SLC14A1: variants seen among roughly 807,000 people sequenced by gnomAD.
SLC14A1 encodes urea transporter 1.
SLC14A1 carries 36 observed loss-of-function variants against 39.6 expected under a neutral mutation model. That is an observed-to-expected ratio of 0.91 (90% confidence interval 0.70 to 1.20). The LOEUF is 1.20. SLC14A1 is among the 50% of genes most tolerant of loss of function. SLC14A1 has a pLI of 0.00. For missense variants in SLC14A1, 469 were observed against 478.7 expected, an observed-to-expected ratio of 0.98 and a Z score of 0.19; for synonymous variants, 164 against 173.6, an observed-to-expected ratio of 0.94 and a Z score of 0.43.
At chr18:45,737,040 T>C (rs16978475) in intron 6 of SLC14A1, among the ~76,000 whole-genome samples, 28,882 of 152,162 alleles carry the variant, frequency 0.19, 4,255 homozygotes, top group East Asian at 0.41. Context: ...ATGCTTACTC[T>C]TAGAGCTTCT....
chr18:45,734,198 T>C, intron 4 of SLC14A1, 76 bp from the exon 5 acceptor site: 1 of 1,554,134 alleles, frequency 6.4e-7, no homozygotes, highest in Non-Finnish European at 8.9e-7. Flanking sequence ...GATCTGGAAG[T>C]TACTAGTGTT....
chr18:45,749,937 G>A lies in SLC14A1; in HGVS notation c.1156G>A (p.Glu386Lys), dbSNP rs770532378. The change falls in exon 10 of 10, where the codon GAA becomes AAA. Residue 386 changes from glutamate to lysine, a missense_variant. Transcript: ENST00000321925. ...FYLQAKKRMV[E>K]SPL is the part of the protein sequence containing the mutation. ...CCTGCAAGCCAAGAAAAGAATGGTG[G>A]AAAGCCCTTTGTGAGAACAAGCCCC... 28 of 1,614,056 alleles carry A rather than the reference G, an allele frequency of 1.7e-5. No homozygotes were observed. Among genetic ancestry groups the A allele is most frequent in the Non-Finnish European group, 2.2e-5 (26 of 1,180,030 alleles).
At chr18:45,743,714 A>C (rs1487332716) in intron 8 of SLC14A1, among the ~76,000 whole-genome samples, 2 of 152,170 alleles carry the variant, frequency 1.3e-5, no homozygotes, top group Non-Finnish European at 2.9e-5. Flanking sequence ...CTGGAAAAAC[A>C]GTTTTTCTGG....
rs532409601 is a variant in SLC14A1, at chr18:45,747,911, C to T, written c.947-465C>T. On this transcript the variant is annotated intron_variant, in intron 8 of 9. Coordinates refer to ENST00000321925, the MANE Select transcript of SLC14A1 (RefSeq NM_015865.7). ...ATTTTTTGTAGCTGTGAATTCAATTCATTAATATGAGAATCCTAGATGCTA... is the reference window on the plus strand; with the variant it reads ...ATTTTTTGTAGCTGTGAATTCAATTTATTAATATGAGAATCCTAGATGCTA... 3.9e-5 allele frequency among the ~76,000 whole-genome samples: 6 copies of T among 152,206 alleles called. No homozygotes were observed. The South Asian group carries it at 1.0e-3, about 26-fold the overall frequency.
Position 45,751,318 on chromosome 18 carries a change from C to T in SLC14A1, c.*1367C>T, listed in dbSNP as rs1135980. The T allele has an allele frequency of 0.62, 558,037 of 896,540 alleles. 174,667 individuals are homozygous for T. Among genetic ancestry groups the T allele is most frequent in the East Asian group, 0.93 (7,558 of 8,138 alleles). 55.5% of individuals were successfully genotyped at this position (896,540 alleles called of 1,614,324 possible). A position where few individuals can be genotyped will look rare whatever the true frequency, so the allele number is the denominator to read the frequency against. ...TTGCACCACTGCACTCCAACCTGGG[C>T]GACAAGAGTGAAACTGTGTCTCTCA... On this transcript the variant is annotated 3_prime_UTR_variant, in exon 10 of 10. Transcript: ENST00000321925.
At chr18:45,735,444 T>A (rs561084270) in intron 5 of SLC14A1, among the ~76,000 whole-genome samples, 4 of 152,174 alleles carry the variant, frequency 2.6e-5, no homozygotes, top group South Asian at 2.1e-4. Context: ...TTAGAAAAAA[T>A]TTTTTTGCTG....
In SLC14A1 at chr18:45,752,274, G is replaced by A. The variant is rs542237646; in HGVS notation, c.*2323G>A. Reference sequence around the variant, plus strand: ...TAGGCTGTGGCTGAGAGAACCAGAGGCCTCTAAAATGGACCCGAGTCGATC... The same window carrying A: ...TAGGCTGTGGCTGAGAGAACCAGAGACCTCTAAAATGGACCCGAGTCGATC... On this transcript the variant is annotated 3_prime_UTR_variant, in exon 10 of 10. Coordinates refer to ENST00000321925, the MANE Select transcript of SLC14A1 (RefSeq NM_015865.7). 2.0e-6 allele frequency: 2 copies of A among 983,822 alleles called. No homozygotes were observed. Among genetic ancestry groups the A allele is most frequent in the Non-Finnish European group, 2.4e-6 (2 of 828,610 alleles). The allele number at this position is 983,822 out of a possible 1,614,324, so 60.9% of individuals were successfully genotyped here. A position where few individuals can be genotyped will look rare whatever the true frequency, so the allele number is the denominator to read the frequency against.
rs1457285955 is a variant in SLC14A1, at chr18:45,731,210, T to C, written c.341+6T>C. 5.0e-6 allele frequency: 8 copies of C among 1,612,942 alleles called. No homozygotes were observed. The highest frequency in any genetic ancestry group is 1.3e-5 in the African/African-American group (1 of 74,874). On this transcript the variant is annotated splice_donor_region_variant and intron_variant, in intron 4 of 9. Transcript: ENST00000321925. ...CTCTTGCTCAGCCAGGACAGGTAGGTGTACCCTTTCAAGCCTTCTCAGCTC... is the reference window on the plus strand; with the variant it reads ...CTCTTGCTCAGCCAGGACAGGTAGGCGTACCCTTTCAAGCCTTCTCAGCTC...
intron 2 of SLC14A1, chr18:45,729,255 T>C (rs949237193): frequency 6.6e-6 from 1 of 152,270 alleles, no homozygotes. Context: ...CTGGCTGTGC[T>C]GTTGGCTGTT....
intron 4 of SLC14A1, chr18:45,731,728 A>G (rs939423209): frequency 2.0e-5 from 4 of 195,428 alleles, no homozygotes; most frequent in African/African-American, 4.7e-5. Flanking sequence ...GTCTTCTGAT[A>G]TATTGATTAG....
chr18:45,732,188 A>C (rs1199113444), intron 4 of SLC14A1, among the ~76,000 whole-genome samples: 3 of 152,240 alleles, frequency 2.0e-5, no homozygotes, highest in African/African-American at 7.2e-5. Context: ...TATTTAGAAG[A>C]CAAGTCATTT....
intron 8 of SLC14A1, among the ~76,000 whole-genome samples, chr18:45,743,012 A>G (rs193115865): frequency 1.3e-5 from 2 of 152,364 alleles, no homozygotes; most frequent in East Asian, 1.9e-4. Flanking sequence ...CAGACCATGG[A>G]GAAGAATGAA....
Position 45,750,003 on chromosome 18 carries a change from C to G in SLC14A1, c.*52C>G, listed in dbSNP as rs1267737724. 6.2e-7 allele frequency: 1 copy of G among 1,613,586 alleles called. No individual in the cohort carries two copies. Among genetic ancestry groups the G allele is most frequent in the Non-Finnish European group, 8.5e-7 (1 of 1,180,032 alleles). On this transcript the variant is annotated 3_prime_UTR_variant, in exon 10 of 10. Coordinates refer to ENST00000321925, the MANE Select transcript of SLC14A1 (RefSeq NM_015865.7). Reference sequence around the variant, plus strand: ...CACGAGTCATTTCTGCCTGACTGCTCCAGCTAACTTCCAGGGTCTCAGCAA... The same window carrying G: ...CACGAGTCATTTCTGCCTGACTGCTGCAGCTAACTTCCAGGGTCTCAGCAA...
At chr18:45,745,929 ACCAAC>A (rs1460917951) in intron 8 of SLC14A1, among the ~76,000 whole-genome samples, 5 of 152,188 alleles carry the variant, frequency 3.3e-5, no homozygotes, top group Admixed American at 1.3e-4. Flanking sequence ...CAAACAAAAG[ACCAAC>A]CCTCTTAGCC....
rs746180806 is a variant in SLC14A1 at position 45,730,293 on chromosome 18, C to T, written c.-21-7C>T. 8 of 1,610,858 alleles carry T rather than the reference C, an allele frequency of 5.0e-6. No homozygotes were observed. In the Admixed American group the frequency reaches 5.0e-5, roughly 10 times the overall value. On this transcript the variant is annotated splice_polypyrimidine_tract_variant and splice_region_variant and intron_variant, in intron 2 of 9. Coordinates refer to ENST00000321925, the MANE Select transcript of SLC14A1 (RefSeq NM_015865.7). Reference sequence around the variant, plus strand: ...GGGATACTTATAAGCTCTGTCCTTCCCTCAAGGAGCCAGAGGAAGAGATAG... The same window carrying T: ...GGGATACTTATAAGCTCTGTCCTTCTCTCAAGGAGCCAGAGGAAGAGATAG...
chr18:45,738,220 T>A (rs17675121), intron 6 of SLC14A1, among the ~76,000 whole-genome samples: 1 of 151,990 alleles, frequency 6.6e-6, no homozygotes, highest in South Asian at 2.1e-4. Flanking sequence ...CTCCCTCTGG[T>A]AGAGTCACTG....
chr18:45,751,187 A>G lies in SLC14A1; in HGVS notation c.*1236A>G, dbSNP rs2144874865. 1 of 425,676 alleles carries G rather than the reference A, an allele frequency of 2.3e-6. No homozygotes were observed. Among genetic ancestry groups the G allele is most frequent in the East Asian group, 1.6e-4 (1 of 6,236 alleles). The allele number at this position is 425,676 out of a possible 1,614,324, so 26.4% of individuals were successfully genotyped here. On this transcript the variant is annotated 3_prime_UTR_variant, in exon 10 of 10. Transcript: ENST00000321925. Reference sequence around the variant, plus strand: ...AAACCCTGTATCTACAAAAAATACAAAAATTAGCCAGGCATGGTGGTGGGT... The same window carrying G: ...AAACCCTGTATCTACAAAAAATACAGAAATTAGCCAGGCATGGTGGTGGGT...
At chr18:45,727,327 G>GGAA (rs1439485039) in intron 2 of SLC14A1, 1 of 1,551,644 alleles carries the variant, frequency 6.4e-7, no homozygotes, top group African/African-American at 1.4e-5. Flanking sequence ...GGTCCTGTTT[G>GGAA]GAAGGACCCT....
At chr18:45,738,874 CAG>C (rs1226752341) in intron 6 of SLC14A1, among the ~76,000 whole-genome samples, 4 of 152,062 alleles carry the variant, frequency 2.6e-5, no homozygotes, top group Non-Finnish European at 5.9e-5. Flanking sequence ...GGGAGCTTAA[CAG>C]TGACCAAGGC....
Sources: allele counts gnomAD v4.1 joint callset (sites outside exome capture counted in the v4.1 genomes callset), GRCh38; gene constraint gnomAD v4.1.1; transcripts MANE v1.5; gene names NCBI Gene and HGNC (gene_info 2026-07-23, HGNC 2026-07-21).